The following CMSS1 variants were observed in gnomAD, a reference collection of about 807,000 sequenced individuals.
CMSS1 encodes cms1 ribosomal small subunit homolog.
In CMSS1, 33 loss-of-function variants were observed where a neutral mutation model predicts 43.5. That is an observed-to-expected ratio of 0.76 (90% CI 0.57 to 1.01). CMSS1 has a LOEUF of 1.01. Ranked by LOEUF, CMSS1 falls within the 50% of genes least tolerant of loss-of-function variation. The probability of loss-of-function intolerance (pLI) is 0.00; values close to 1 mark genes in which losing one functional copy is unlikely to be tolerated. For synonymous variants in CMSS1, 115 were observed against 117.2 expected (o/e 0.98, Z 0.12); for missense variants, 313 against 326.4 (o/e 0.96, Z 0.32).
intron 1 of CMSS1, among the ~76,000 whole-genome samples, chr3:100,119,558 A>G (rs2066602954): frequency 6.6e-6 from 1 of 152,264 alleles, no homozygotes; most frequent in Non-Finnish European, 1.5e-5. Flanking sequence ...CCTCTGGCAC[A>G]TAGTCAATAC....
intron 1 of CMSS1, among the ~76,000 whole-genome samples, chr3:99,822,744 GATA>G (rs1434835675): frequency 6.6e-6 from 1 of 151,756 alleles, no homozygotes; most frequent in East Asian, 1.9e-4. Context: ...AAATAATAAT[GATA>G]ATAATAATAA....
At chr3:99,934,833 A>G (rs980904760) in intron 1 of CMSS1, among the ~76,000 whole-genome samples, 1 of 152,228 alleles carries the variant, frequency 6.6e-6, no homozygotes, top group African/African-American at 2.4e-5. Context: ...AAACATTTTT[A>G]TACTGTGTTT....
At chr3:99,872,668 G>A (rs1426617485) in intron 1 of CMSS1, among the ~76,000 whole-genome samples, 1 of 152,074 alleles carries the variant, frequency 6.6e-6, no homozygotes, top group East Asian at 1.9e-4. Flanking sequence ...GCATAGAAAT[G>A]TGAGGACGGT....
At chr3:100,037,347 C>G (rs2065125206) in intron 1 of CMSS1, among the ~76,000 whole-genome samples, 1 of 152,094 alleles carries the variant, frequency 6.6e-6, no homozygotes. Flanking sequence ...ATTTTAATAA[C>G]TGGTGAATAT....
rs369461673 is a variant in CMSS1 at position 100,051,366 on chromosome 3, A to G, written c.65-95607A>G. The G allele has an allele frequency of 4.6e-5, 7 of 151,782 alleles. No individual in the cohort carries two copies. The East Asian group carries it at 7.7e-4, about 17-fold the overall frequency. The allele number at this position is 151,782 out of a possible 1,614,324, so 9.4% of individuals were successfully genotyped here. On this transcript the variant is annotated intron_variant, in intron 1 of 9. Coordinates refer to ENST00000421999, the MANE Select transcript of CMSS1 (RefSeq NM_032359.4). Reference sequence around the variant, plus strand: ...ACCAATGGCTTATATTTCTTTTTATATATATATATTTTAAGTTTTAGGGTA... The same window carrying G: ...ACCAATGGCTTATATTTCTTTTTATGTATATATATTTTAAGTTTTAGGGTA...
intron 1 of CMSS1, among the ~76,000 whole-genome samples, chr3:99,894,347 T>C (rs1706183475): frequency 6.6e-6 from 1 of 152,232 alleles, no homozygotes. Flanking sequence ...TGTGGGTGCC[T>C]AACAGGAGCT....
chr3:99,823,830 A>G (rs1942487120), intron 1 of CMSS1, among the ~76,000 whole-genome samples: 1 of 151,930 alleles, frequency 6.6e-6, no homozygotes, highest in Non-Finnish European at 1.5e-5. Context: ...TCTGTTCCTC[A>G]GTAGGCCACA....
chr3:99,833,404 T>A, intron 1 of CMSS1: 3 of 656,286 alleles, frequency 4.6e-6, no homozygotes, highest in Non-Finnish European at 8.0e-6. Flanking sequence ...TAGAAGGCAT[T>A]GAGTCATAAT....
intron 1 of CMSS1, among the ~76,000 whole-genome samples, chr3:100,055,863 A>G (rs1559741647): frequency 6.6e-6 from 1 of 152,230 alleles, no homozygotes; most frequent in Non-Finnish European, 1.5e-5. Flanking sequence ...AAGGGTAGAT[A>G]TGAAGTTTTT....
chr3:100,067,760 A>G (rs2065691336), intron 1 of CMSS1, among the ~76,000 whole-genome samples: 1 of 152,190 alleles, frequency 6.6e-6, no homozygotes, highest in Admixed American at 6.5e-5. Context: ...CACTACTTTG[A>G]AATAGTCTCT....
intron 1 of CMSS1, among the ~76,000 whole-genome samples, chr3:99,919,729 CATA>C (rs1707064597): frequency 6.6e-6 from 1 of 151,958 alleles, no homozygotes; most frequent in Non-Finnish European, 1.5e-5. Context: ...ATAGGCCTGT[CATA>C]ATAGAAAAGG....
intron 1 of CMSS1, among the ~76,000 whole-genome samples, chr3:99,904,653 T>C (rs1055639064): frequency 6.6e-6 from 1 of 152,184 alleles, no homozygotes; most frequent in Non-Finnish European, 1.5e-5. Context: ...TGGCTGCTTA[T>C]TGCCTTCCAG....
chr3:100,171,824 GCTT>G lies in CMSS1; in HGVS notation c.519-11_519-9del. ...AGTTGGTTTTCTTAAGCATTCACCTGCTTCTTTTCATTAGGTCGATGACAGCAT... is the reference window on the plus strand; with the variant it reads ...AGTTGGTTTTCTTAAGCATTCACCTGCTTTTCATTAGGTCGATGACAGCAT... On this transcript the variant is annotated splice_polypyrimidine_tract_variant and intron_variant, in intron 6 of 9. Coordinates refer to ENST00000421999, the MANE Select transcript of CMSS1 (RefSeq NM_032359.4). 1.2e-6 allele frequency: 2 copies of G among 1,612,582 alleles called. No individual in the cohort carries two copies. Among genetic ancestry groups the G allele is most frequent in the Non-Finnish European group, 1.7e-6 (2 of 1,178,750 alleles).
At chr3:100,079,420 T>A (rs1051858958) in intron 1 of CMSS1, among the ~76,000 whole-genome samples, 7 of 152,268 alleles carry the variant, frequency 4.6e-5, no homozygotes, top group Non-Finnish European at 1.0e-4. Context: ...GTACGAATAT[T>A]GCATTTGAAC....
intron 1 of CMSS1, among the ~76,000 whole-genome samples, chr3:100,003,926 GTCT>G (rs2107173377): frequency 6.6e-6 from 1 of 152,270 alleles, no homozygotes; most frequent in African/African-American, 2.4e-5. Flanking sequence ...GTGCAAACAA[GTCT>G]TCTCAGGTTG....
chr3:99,978,742 A>C (rs1709038437), intron 1 of CMSS1, among the ~76,000 whole-genome samples: 2 of 152,150 alleles, frequency 1.3e-5, no homozygotes. Context: ...TAAAAATAGA[A>C]AAATTAACCA....
intron 1 of CMSS1, among the ~76,000 whole-genome samples, chr3:100,099,727 A>G (rs1486038646): frequency 6.6e-6 from 1 of 152,180 alleles, no homozygotes; most frequent in African/African-American, 2.4e-5. Context: ...ACACTGTCCT[A>G]GGGATAAGAT....
At chr3:99,833,670 A>C (rs1942779248) in intron 1 of CMSS1, among the ~76,000 whole-genome samples, 1 of 152,246 alleles carries the variant, frequency 6.6e-6, no homozygotes. Context: ...GTTGTGTAAG[A>C]AAGCAGTGTT....
At chr3:99,857,270 G>T (rs751236947) in intron 1 of CMSS1, among the ~76,000 whole-genome samples, 1 of 152,172 alleles carries the variant, frequency 6.6e-6, no homozygotes, top group Non-Finnish European at 1.5e-5. Flanking sequence ...TGTTCTCCAA[G>T]AACATTATTT....
Sources: gnomAD v4.1 joint callset for allele counts (sites outside exome capture counted in the v4.1 genomes callset) on GRCh38, gnomAD v4.1.1 for gene constraint, MANE v1.5 for transcripts, NCBI Gene and HGNC (gene_info 2026-07-23, HGNC 2026-07-21) for gene names.